The following TRIM38 variants were observed in gnomAD, a reference collection of about 807,000 sequenced individuals.
TRIM38 encodes the protein tripartite motif containing 38.
Under a neutral mutation model 35.8 loss-of-function variants are expected in TRIM38, and 35 were observed. That is an observed-to-expected ratio of 0.98 (90% confidence interval 0.75 to 1.30). TRIM38 has a LOEUF of 1.30. Ranked by LOEUF, TRIM38 falls within the 50% of genes most tolerant of loss-of-function variation. The pLI is 0.00. For synonymous variants in TRIM38, 198 were observed against 204.7 expected (o/e 0.97, Z 0.28); for missense variants, 545 against 556.9 (o/e 0.98, Z 0.21).
intron 3 of TRIM38, among the ~76,000 whole-genome samples, chr6:25,967,544 TTTTTTTC>T (rs1760096496): frequency 1.3e-5 from 1 of 79,238 alleles, no homozygotes; most frequent in Non-Finnish European, 2.5e-5. Context: ...TTTTTTTTTT[TTTTTTTC>T]CTGAGGTAGG....
Position 25,972,026 on chromosome 6 carries a change from A to G in TRIM38, c.665A>G (p.Lys222Arg). Residue 222 changes from lysine (K) to arginine (R), a missense_variant, in exon 5 of 8, where the codon AAG becomes AGG. Lys to Arg is a conservative substitution (Grantham distance 26). Coordinates refer to ENST00000357085, the MANE Select transcript of TRIM38 (RefSeq NM_006355.5). Reference protein sequence around the residue: ...LRDYEAGLGLKSNELKSHILE... With the variant: ...LRDYEAGLGLRSNELKSHILE... ...GACTATGAGGCTGGTCTGGGGCTGA[A>G]GAGCAATGAACTCAAGAGCCACATC... is the stretch of plus-strand genomic sequence containing the variant. The G allele has an allele frequency of 6.2e-7, 1 of 1,614,200 alleles. No individual in the cohort carries two copies. The highest frequency in any genetic ancestry group is 1.1e-5 in the South Asian group (1 of 91,084).
At chr6:25,962,942 G>A (rs1226975455) in intron 1 of TRIM38, 87 bp downstream of exon 1, 1 of 152,606 alleles carries the variant, frequency 6.6e-6, no homozygotes, top group Non-Finnish European at 1.5e-5. Flanking sequence ...ATGGCAAGTG[G>A]GGTGGGGAAT....
At chr6:25,967,771 C>T (rs1303869964) in intron 3 of TRIM38, among the ~76,000 whole-genome samples, 1 of 151,834 alleles carries the variant, frequency 6.6e-6, no homozygotes, top group Non-Finnish European at 1.5e-5. Flanking sequence ...CCCTGGTCTC[C>T]CTCCCATCTC....
chr6:25,982,782 G>A (rs13212534), intron 7 of TRIM38, among the ~76,000 whole-genome samples: 7,079 of 152,302 alleles, frequency 0.046, 211 homozygotes, highest in Non-Finnish European at 0.073. Context: ...AACACAGGCT[G>A]GTTTTATTGA....
intron 5 of TRIM38, among the ~76,000 whole-genome samples, chr6:25,972,724 C>T (rs562432621): frequency 6.6e-5 from 10 of 152,278 alleles, no homozygotes; most frequent in Non-Finnish European, 1.2e-4. Flanking sequence ...GAAGGAAATC[C>T]GATCACCAAA....
At chr6:25,967,605 G>A (rs1760100907) in intron 3 of TRIM38, among the ~76,000 whole-genome samples, 3 of 136,624 alleles carry the variant, frequency 2.2e-5, no homozygotes, top group Admixed American at 1.7e-4. Context: ...GTGCAATCTC[G>A]GCTCACTGCA....
chr6:25,987,495 T>G lies in TRIM38; in HGVS notation c.*3808T>G, dbSNP rs1760746988. Reference sequence around the variant, plus strand: ...ATCATGAAGACTCGATCTGCTAGGATCTCAACTAAACCTAACTATCACCCA... The same window carrying G: ...ATCATGAAGACTCGATCTGCTAGGAGCTCAACTAAACCTAACTATCACCCA... On this transcript the variant is annotated 3_prime_UTR_variant, in exon 8 of 8. Coordinates refer to ENST00000357085, the MANE Select transcript of TRIM38 (RefSeq NM_006355.5). 1 of 152,082 alleles carries G rather than the reference T, an allele frequency of 6.6e-6. No homozygotes were observed. The highest frequency in any genetic ancestry group is 1.5e-5 in the Non-Finnish European group (1 of 68,024). The allele number at this position is 152,082 out of a possible 1,614,324, so 9.4% of individuals were successfully genotyped here. A position where few individuals can be genotyped will look rare whatever the true frequency, so the allele number is the denominator to read the frequency against.
intron 4 of TRIM38, among the ~76,000 whole-genome samples, chr6:25,970,867 A>G (rs1760208596): frequency 6.6e-6 from 1 of 152,248 alleles, no homozygotes; most frequent in Non-Finnish European, 1.5e-5. Context: ...TAATTTAGAC[A>G]GCACTAATGG....
chr6:25,979,075 C>T (rs187901000), intron 7 of TRIM38, among the ~76,000 whole-genome samples: 33 of 151,960 alleles, frequency 2.2e-4, no homozygotes, highest in Admixed American at 1.7e-3. Context: ...AAAATACATA[C>T]ACTATACATA....
chr6:25,967,657 C>A (rs1760102486), intron 3 of TRIM38, among the ~76,000 whole-genome samples: 1 of 151,536 alleles, frequency 6.6e-6, no homozygotes, highest in African/African-American at 2.4e-5. Flanking sequence ...CCACCTCAGC[C>A]TCCCAAGTAG....
At chr6:25,983,086 C>T in intron 7 of TRIM38, 78 bp from the exon 8 acceptor site, 1 of 1,434,366 alleles carries the variant, frequency 7.0e-7, no homozygotes, top group Non-Finnish European at 9.3e-7. Flanking sequence ...CACTCCATCT[C>T]AAAATAAAAT....
At position 25,987,039 on chromosome 6, in the gene TRIM38, A is replaced by G. The variant is rs1325516569; in HGVS notation, c.*3352A>G. ...GAAAGATTAGCTTTTTTTCCAGGGT[A>G]GTTGGCTGAAAATCAGGAGTTCTCA... On this transcript the variant is annotated 3_prime_UTR_variant, in exon 8 of 8. Coordinates refer to ENST00000357085, the MANE Select transcript of TRIM38 (RefSeq NM_006355.5). 1 of 152,178 alleles carries G rather than the reference A, an allele frequency of 6.6e-6. No homozygotes were observed. The highest frequency in any genetic ancestry group is 6.5e-5 in the Admixed American group (1 of 15,280). The allele number at this position is 152,178 out of a possible 1,614,324, so 9.4% of individuals were successfully genotyped here.
In TRIM38 at chr6:25,984,289, A is replaced by G. The variant is rs908012002; in HGVS notation, c.*602A>G. 6.6e-6 allele frequency: 1 copy of G among 152,366 alleles called. No homozygotes were observed. Among genetic ancestry groups the G allele is most frequent in the Admixed American group, 6.5e-5 (1 of 15,290 alleles). 9.4% of individuals were successfully genotyped at this position (152,366 alleles called of 1,614,324 possible). A position where few individuals can be genotyped will look rare whatever the true frequency, so the allele number is the denominator to read the frequency against. ...TTCAAATGAAAAGGGAATTATGAGT[A>G]AAATTGAACTTTGATGGGGGATTCA... On this transcript the variant is annotated 3_prime_UTR_variant, in exon 8 of 8. Coordinates refer to ENST00000357085, the MANE Select transcript of TRIM38 (RefSeq NM_006355.5).
chr6:25,968,800 C>T (rs987880179), intron 3 of TRIM38, among the ~76,000 whole-genome samples: 4 of 152,212 alleles, frequency 2.6e-5, no homozygotes, highest in Non-Finnish European at 5.9e-5. Flanking sequence ...CAGAATTCCC[C>T]TCTTCCATGA....
rs1014987965 is a variant in TRIM38, at chr6:25,985,118, T to G, written c.*1431T>G. On this transcript the variant is annotated 3_prime_UTR_variant, in exon 8 of 8. Coordinates refer to ENST00000357085, the MANE Select transcript of TRIM38 (RefSeq NM_006355.5). ...AAGAAGTATTTTGAGTTGAAGACAA[T>G]TGAGAAAAAAAATAGATTAAAAACA... is the stretch of plus-strand genomic sequence containing the variant. The G allele has an allele frequency of 1.3e-5, 2 of 151,862 alleles. No homozygotes were observed. Among genetic ancestry groups the G allele is most frequent in the South Asian group, 2.1e-4 (1 of 4,826 alleles). 9.4% of individuals were successfully genotyped at this position (151,862 alleles called of 1,614,324 possible). A position where few individuals can be genotyped will look rare whatever the true frequency, so the allele number is the denominator to read the frequency against.
At position 25,985,685 on chromosome 6, in the gene TRIM38, C is replaced by T. The variant is rs1561904978; in HGVS notation, c.*1998C>T. The T allele has an allele frequency of 6.6e-6, 1 of 152,214 alleles. No individual in the cohort carries two copies. Among genetic ancestry groups the T allele is most frequent in the Non-Finnish European group, 1.5e-5 (1 of 68,046 alleles). 9.4% of individuals were successfully genotyped at this position (152,214 alleles called of 1,614,324 possible). A position where few individuals can be genotyped will look rare whatever the true frequency, so the allele number is the denominator to read the frequency against. ...TAGGACCCAGTGGGTAACCGAGGAA[C>T]CCCACCTTTGTGCAGGATCAGTGAA... On this transcript the variant is annotated 3_prime_UTR_variant, in exon 8 of 8. Transcript: ENST00000357085.
At chr6:25,973,423 C>G in intron 7 of TRIM38, 138 bp downstream of exon 7, 2 of 1,451,206 alleles carry the variant, frequency 1.4e-6, no homozygotes, top group East Asian at 2.5e-5. Flanking sequence ...CATACTTTCT[C>G]TAGTTAGTAT....
Position 25,966,938 on chromosome 6 carries a change from G to C in TRIM38, c.411+5G>C, listed in dbSNP as rs748859234. The C allele has an allele frequency of 7.5e-6, 12 of 1,595,350 alleles. No homozygotes were observed. Among genetic ancestry groups the C allele is most frequent in the African/African-American group, 1.3e-5 (1 of 74,604 alleles). ...GACGTATGCCAGGGCTACAAGGTGA[G>C]TGTGTGGGCCCGGGAGCTTTGGTAA... On this transcript the variant is annotated splice_donor_5th_base_variant and intron_variant, in intron 3 of 7. Coordinates refer to ENST00000357085, the MANE Select transcript of TRIM38 (RefSeq NM_006355.5).
At chr6:25,972,170 CA>C in intron 5 of TRIM38, 71 bp downstream of exon 5, 1 of 1,364,296 alleles carries the variant, frequency 7.3e-7, no homozygotes, top group Non-Finnish European at 1.0e-6. Flanking sequence ...GGTAAGGAAG[CA>C]TGGGAAGATA....
Sources: gnomAD v4.1 joint callset for allele counts (sites outside exome capture counted in the v4.1 genomes callset) on GRCh38, gnomAD v4.1.1 for gene constraint, MANE v1.5 for transcripts, NCBI Gene and HGNC (gene_info 2026-07-23, HGNC 2026-07-21) for gene names.